Variants in ESYT2 observed in about 807,000 individuals in gnomAD.
ESYT2 encodes the protein extended synaptotagmin-2.
A neutral mutation model predicts 107.2 loss-of-function variants in ESYT2; 54 were observed. The ratio of observed to expected loss-of-function variants is 0.50; its 90% CI spans 0.40 to 0.63. The LOEUF (loss-of-function observed/expected upper bound fraction) is 0.63. ESYT2 is among the 30% of genes least tolerant of loss of function. The pLI is 0.00. For synonymous variants in ESYT2, 491 were observed against 434.1 expected, an observed-to-expected ratio of 1.13 and a Z score of -1.63; for missense variants, 1,020 against 1,094.5, an observed-to-expected ratio of 0.93 and a Z score of 0.96.
intron 18 of ESYT2, among the ~76,000 whole-genome samples, chr7:158,741,070 C>T (rs190990324): frequency 1.3e-4 from 20 of 152,274 alleles, no homozygotes; most frequent in Admixed American, 6.5e-4. Context: ...CACAGACATC[C>T]GAAGACAAAC....
intron 1 of ESYT2, among the ~76,000 whole-genome samples, chr7:158,823,626 C>T (rs73525643): frequency 0.021 from 3,234 of 152,130 alleles, 111 homozygotes; most frequent in African/African-American, 0.072. Flanking sequence ...GCACCCAGCC[C>T]TGATGTCTAT....
At chr7:158,810,340 C>T (rs1328113239) in intron 1 of ESYT2, among the ~76,000 whole-genome samples, 1 of 151,984 alleles carries the variant, frequency 6.6e-6, no homozygotes, top group Non-Finnish European at 1.5e-5. Flanking sequence ...AATTATTTGT[C>T]AATACAAGAA....
At chr7:158,773,515 C>G (rs1318448997) in intron 6 of ESYT2, 119 bp from the exon 7 acceptor site, 1 of 878,078 alleles carries the variant, frequency 1.1e-6, no homozygotes, top group African/African-American at 1.7e-5. Context: ...AGACCCACAC[C>G]CTTCATCCTT....
intron 16 of ESYT2, 163 bp from the exon 17 acceptor site, chr7:158,743,841 G>A: frequency 1.4e-6 from 1 of 707,050 alleles, no homozygotes; most frequent in East Asian, 3.6e-5. Flanking sequence ...AGCACTTTGG[G>A]AGGCTCAGAT....
At chr7:158,807,933 T>C (rs1243772426) in intron 1 of ESYT2, among the ~76,000 whole-genome samples, 2 of 152,242 alleles carry the variant, frequency 1.3e-5, no homozygotes, top group East Asian at 1.9e-4. Context: ...CTGAGAGGGA[T>C]GCGCAAACCC....
Position 158,777,027 on chromosome 7 carries a change from AT to A in ESYT2, c.748-3632del, listed in dbSNP as rs201667253. Among the ~76,000 whole-genome samples the A allele has an allele frequency of 9.4e-3, 1,348 of 143,866 alleles. 45 individuals carry two copies. In the East Asian group the frequency reaches 0.12, roughly 13 times the overall value. 94.4% of individuals were successfully genotyped at this position (143,866 alleles called of 152,430 possible). On this transcript the variant is annotated intron_variant, in intron 6 of 22. Transcript: ENST00000275418. ...ACTACTACGCCCAGCTAATTTTTGT[AT>A]TTTTTTTTTTTTTAAGTAGAGAGGT...
chr7:158,812,517 A>G (rs1327402729), intron 1 of ESYT2, among the ~76,000 whole-genome samples: 1 of 152,230 alleles, frequency 6.6e-6, no homozygotes, highest in Non-Finnish European at 1.5e-5. Flanking sequence ...GGAGAATGTA[A>G]AATGGTACAG....
chr7:158,807,737 T>G (rs1357558686), intron 1 of ESYT2, among the ~76,000 whole-genome samples: 2 of 152,180 alleles, frequency 1.3e-5, no homozygotes, highest in East Asian at 3.8e-4. Flanking sequence ...CAACCACAGT[T>G]GGAGTATGAA....
chr7:158,799,662 A>C (rs1839572718), intron 1 of ESYT2, among the ~76,000 whole-genome samples: 1 of 152,154 alleles, frequency 6.6e-6, no homozygotes, highest in Non-Finnish European at 1.5e-5. Flanking sequence ...AACTAAAATA[A>C]AATTCACTCT....
intron 4 of ESYT2, among the ~76,000 whole-genome samples, chr7:158,792,360 C>CAA (rs61313167): frequency 9.6e-5 from 14 of 145,218 alleles, no homozygotes; most frequent in Admixed American, 3.4e-4. Context: ...CCCATCTCTA[C>CAA]AAAAAAAAAA....
chr7:158,808,184 G>C (rs960723442), intron 1 of ESYT2, among the ~76,000 whole-genome samples: 1 of 152,170 alleles, frequency 6.6e-6, no homozygotes, highest in Non-Finnish European at 1.5e-5. Context: ...TCAATCACCC[G>C]CAGTCAACCA....
rs1201588719 is a variant in ESYT2 at position 158,748,222 on chromosome 7, T to C, written c.1616A>G (p.Asn539Ser). Residue 539 changes from asparagine (N) to serine (S), a missense_variant, in exon 16 of 23, where the codon AAT (asparagine) becomes AGT (serine). Physicochemically the swap from Asn to Ser is conservative, Grantham distance 46 (BLOSUM62 1). Transcript: ENST00000275418. ...WEENFTFFIH[N>S]PKRQDLEVEV... is the part of the protein sequence containing the mutation. ...AACTTCAAGGTCCTGGCGCTTGGGA[T>C]TGTGAATGAAGAAAGTGAAGTTTTC... is the stretch of plus-strand genomic sequence containing the variant. 45 of 1,614,080 alleles carry C rather than the reference T, an allele frequency of 2.8e-5. No homozygotes were observed. Among genetic ancestry groups the C allele is most frequent in the Non-Finnish European group, 3.6e-5 (43 of 1,180,032 alleles).
chr7:158,745,890 A>G (rs1476665247), intron 16 of ESYT2, among the ~76,000 whole-genome samples: 1 of 152,214 alleles, frequency 6.6e-6, no homozygotes, highest in African/African-American at 2.4e-5. Context: ...CATTATAAAA[A>G]CAGAAATGTC....
chr7:158,809,839 G>A (rs1839945546), intron 1 of ESYT2, among the ~76,000 whole-genome samples: 1 of 150,770 alleles, frequency 6.6e-6, no homozygotes, highest in Admixed American at 6.6e-5. Context: ...GGCAAATGCA[G>A]AACTATAACC....
chr7:158,760,265 C>A, intron 11 of ESYT2, 118 bp from the exon 12 acceptor site: 1 of 850,012 alleles, frequency 1.2e-6, no homozygotes, highest in South Asian at 1.5e-5. Context: ...CAACAGTTCT[C>A]AGTAACGCGA....
At chr7:158,779,613 T>C (rs935128099) in intron 6 of ESYT2, among the ~76,000 whole-genome samples, 8 of 152,208 alleles carry the variant, frequency 5.3e-5, no homozygotes, top group Non-Finnish European at 8.8e-5. Context: ...ATCTTTTCAC[T>C]GGACCCACAT....
rs749834679 is a variant in ESYT2 at position 158,788,511 on chromosome 7, T to C, written c.585-94A>G. The stretch of plus-strand genomic sequence containing the variant: ...AAGATGTATAATCTGAATAAAATGA[T>C]AGTAAAGCAACCAAATCAGATTGTA... On this transcript the variant is annotated intron_variant, in intron 4 of 22. Transcript: ENST00000275418. 14 of 1,091,462 alleles carry C rather than the reference T, an allele frequency of 1.3e-5. 1 individual carries two copies. The highest frequency in any genetic ancestry group is 7.8e-5 in the East Asian group (3 of 38,234). The allele number at this position is 1,091,462 out of a possible 1,614,324, so 67.6% of individuals were successfully genotyped here.
In ESYT2 at chr7:158,739,004, G is replaced by T. The variant is rs768018220; in HGVS notation, c.2267+19C>A. 23 of 1,612,470 alleles carry T rather than the reference G, an allele frequency of 1.4e-5. No homozygotes were observed. The highest frequency in any genetic ancestry group is 3.3e-4 in the Middle Eastern group (2 of 6,042). On this transcript the variant is annotated intron_variant, in intron 19 of 22. Transcript: ENST00000275418. ...CACTCAGCAGCACAGCAGCGGGCGCGTGGGACCCCAGCCCCCACCTGCAGG... is the reference window on the plus strand; with the variant it reads ...CACTCAGCAGCACAGCAGCGGGCGCTTGGGACCCCAGCCCCCACCTGCAGG...
intron 1 of ESYT2, among the ~76,000 whole-genome samples, chr7:158,804,306 G>A (rs1273581761): frequency 1.1e-4 from 12 of 107,804 alleles, no homozygotes; most frequent in East Asian, 9.9e-4. Flanking sequence ...CCGTCGAGAA[G>A]GGTGAGGCGC....
Sources: gnomAD v4.1 joint callset for allele counts (sites outside exome capture counted in the v4.1 genomes callset) on GRCh38, gnomAD v4.1.1 for gene constraint, MANE v1.5 for transcripts, NCBI Gene and HGNC (gene_info 2026-07-23, HGNC 2026-07-21) for gene names.